Variants in LRP1B observed in about 807,000 individuals in gnomAD.
LRP1B encodes LDL receptor related protein 1B.
A neutral mutation model predicts 556.6 loss-of-function variants in LRP1B; 217 were observed. The observed-to-expected ratio is 0.39, with a 90% CI of 0.35 to 0.44. LRP1B has a LOEUF of 0.44. Ranked by LOEUF, LRP1B falls within the 20% of genes least tolerant of loss-of-function variation. LRP1B has a pLI of 1.00. For synonymous variants in LRP1B, 2,047 were observed against 1,865.8 expected (o/e 1.10, Z -2.50); for missense variants, 5,053 against 5,620.8 (o/e 0.90, Z 3.23).
chr2:140,400,321 C>A (rs1396649251), intron 66 of LRP1B, among the ~76,000 whole-genome samples: 1 of 152,130 alleles, frequency 6.6e-6, no homozygotes, highest in East Asian at 1.9e-4. Context: ...CGTATTCCAG[C>A]CCTGTCTCTT....
intron 43 of LRP1B, among the ~76,000 whole-genome samples, chr2:140,545,069 T>C (rs1047976346): frequency 3.3e-5 from 5 of 152,148 alleles, no homozygotes; most frequent in African/African-American, 9.6e-5. Flanking sequence ...TTTTTTCATA[T>C]GTTTTTTCAC....
chr2:141,457,027 A>C (rs902068940), intron 3 of LRP1B, among the ~76,000 whole-genome samples: 5 of 152,216 alleles, frequency 3.3e-5, no homozygotes, highest in Non-Finnish European at 5.9e-5. Flanking sequence ...GATTGGAATG[A>C]GTTAGATCAG....
chr2:141,841,420 A>C (rs1298806630), intron 1 of LRP1B, among the ~76,000 whole-genome samples: 1 of 152,148 alleles, frequency 6.6e-6, no homozygotes, highest in African/African-American at 2.4e-5. Context: ...TTGAGTGTTA[A>C]AATGGAAAAA....
chr2:141,297,566 G>T (rs1337738311), intron 3 of LRP1B, among the ~76,000 whole-genome samples: 1 of 152,030 alleles, frequency 6.6e-6, no homozygotes, highest in Non-Finnish European at 1.5e-5. Flanking sequence ...CCAGCTGCAG[G>T]CTACTAGACA....
At chr2:140,666,948 A>G (rs1393340748) in intron 41 of LRP1B, among the ~76,000 whole-genome samples, 2 of 152,230 alleles carry the variant, frequency 1.3e-5, no homozygotes, top group Non-Finnish European at 2.9e-5. Context: ...CCTTGCATTA[A>G]GGCATAACAT....
intron 3 of LRP1B, among the ~76,000 whole-genome samples, chr2:141,400,149 TA>T (rs934194873): frequency 1.3e-5 from 2 of 151,154 alleles, no homozygotes; most frequent in African/African-American, 2.4e-5. Context: ...ACTGGCTAGT[TA>T]AAAAAAAATT....
intron 1 of LRP1B, among the ~76,000 whole-genome samples, chr2:141,827,344 AT>A (rs145968255): frequency 6.6e-6 from 1 of 152,162 alleles, no homozygotes; most frequent in Non-Finnish European, 1.5e-5. Flanking sequence ...TTGAATGTGA[AT>A]TTTTTTATGA....
intron 68 of LRP1B, among the ~76,000 whole-genome samples, chr2:140,374,570 A>T (rs994289343): frequency 2.0e-5 from 3 of 152,172 alleles, no homozygotes; most frequent in Non-Finnish European, 4.4e-5. Flanking sequence ...TAAGAAAGAG[A>T]TGTCATATGT....
At chr2:141,720,708 T>C (rs1274710706) in intron 2 of LRP1B, among the ~76,000 whole-genome samples, 4 of 152,134 alleles carry the variant, frequency 2.6e-5, no homozygotes, top group Non-Finnish European at 5.9e-5. Context: ...ATCAGAATTT[T>C]GGCTTCAAGT....
chr2:140,637,973 C>A (rs892005636), intron 41 of LRP1B, among the ~76,000 whole-genome samples: 1 of 152,142 alleles, frequency 6.6e-6, no homozygotes, highest in Non-Finnish European at 1.5e-5. Flanking sequence ...CAGAAGAAGT[C>A]ATAAATGCAA....
At chr2:140,287,023 T>C (rs540957253) in intron 84 of LRP1B, among the ~76,000 whole-genome samples, 1 of 151,904 alleles carries the variant, frequency 6.6e-6, no homozygotes, top group African/African-American at 2.4e-5. Flanking sequence ...TGTTAGTTCA[T>C]ATATATTTAC....
intron 33 of LRP1B, among the ~76,000 whole-genome samples, chr2:140,773,907 T>C (rs984131552): frequency 4.6e-5 from 7 of 152,228 alleles, no homozygotes; most frequent in Non-Finnish European, 1.0e-4. Context: ...ATATTATCTA[T>C]CAAATTATAA....
intron 47 of LRP1B, among the ~76,000 whole-genome samples, chr2:140,528,336 G>A (rs1367239993): frequency 1.3e-5 from 2 of 151,872 alleles, no homozygotes; most frequent in Non-Finnish European, 2.9e-5. Context: ...AGAAATAGAG[G>A]ACCTTGAACT....
At chr2:140,537,858 A>G (rs1466131359) in intron 45 of LRP1B, among the ~76,000 whole-genome samples, 1 of 152,076 alleles carries the variant, frequency 6.6e-6, no homozygotes, top group African/African-American at 2.4e-5. Flanking sequence ...AAGGGTCTCT[A>G]TTGAGGACAA....
At chr2:141,332,556 C>G (rs756894272) in intron 3 of LRP1B, among the ~76,000 whole-genome samples, 1 of 151,564 alleles carries the variant, frequency 6.6e-6, no homozygotes, top group Non-Finnish European at 1.5e-5. Context: ...CAGCTAATAT[C>G]TGTGTTCTGA....
intron 11 of LRP1B, among the ~76,000 whole-genome samples, chr2:141,039,292 A>T (rs1698628492): frequency 6.6e-6 from 1 of 152,052 alleles, no homozygotes; most frequent in Non-Finnish European, 1.5e-5. Flanking sequence ...TGCACATAAC[A>T]TTTATTATAG....
chr2:141,172,454 C>T (rs139334165), intron 7 of LRP1B, among the ~76,000 whole-genome samples: 2,386 of 152,048 alleles, frequency 0.016, 23 homozygotes, highest in Middle Eastern at 0.041. Context: ...GGCAAGGAAC[C>T]GTGATCCTTT....
intron 4 of LRP1B, among the ~76,000 whole-genome samples, chr2:141,249,200 T>C (rs988190862): frequency 1.3e-5 from 2 of 152,092 alleles, no homozygotes; most frequent in African/African-American, 4.8e-5. Flanking sequence ...ATAATAGATT[T>C]TAAAAATAGG....
At chr2:140,881,253 A>AGTGTGTGTGT (rs3063611) in intron 25 of LRP1B, among the ~76,000 whole-genome samples, 30 of 149,136 alleles carry the variant, frequency 2.0e-4, no homozygotes, top group East Asian at 1.2e-3. Flanking sequence ...CTTTGCTGTA[A>AGTGTGTGTGT]GTGTGTGTGT....
Sources: gnomAD v4.1 joint callset for allele counts (sites outside exome capture counted in the v4.1 genomes callset) on GRCh38, gnomAD v4.1.1 for gene constraint, MANE v1.5 for transcripts, NCBI Gene and HGNC (gene_info 2026-07-23, HGNC 2026-07-21) for gene names.